XYLT1: variants seen among roughly 807,000 people sequenced by gnomAD.
XYLT1 encodes xylosyltransferase 1.
XYLT1 carries 36 observed loss-of-function variants against 91.3 expected under a neutral mutation model. That is an observed-to-expected ratio of 0.39 (90% CI 0.30 to 0.52). XYLT1 has a LOEUF of 0.52. Among genes scored for constraint, XYLT1 ranks in the 20% least tolerant of loss-of-function variants. XYLT1 has a pLI of 0.68. For synonymous variants in XYLT1, 588 were observed against 532.0 expected, an observed-to-expected ratio of 1.11 and a Z score of -1.45; for missense variants, 1,242 against 1,284.5, an observed-to-expected ratio of 0.97 and a Z score of 0.51.
At chr16:17,389,248 A>G (rs917582172) in intron 1 of XYLT1, among the ~76,000 whole-genome samples, 1 of 152,036 alleles carries the variant, frequency 6.6e-6, no homozygotes, top group African/African-American at 2.4e-5. Context: ...AGTTTTTATC[A>G]TTTTTATTTT....
At chr16:17,223,093 G>A (rs560606882) in intron 3 of XYLT1, among the ~76,000 whole-genome samples, 11 of 151,390 alleles carry the variant, frequency 7.3e-5, no homozygotes, top group Admixed American at 2.6e-4. Context: ...TGTCTCTTTC[G>A]TGCAAGCCTT....
At chr16:17,306,761 C>T (rs185535550) in intron 2 of XYLT1, among the ~76,000 whole-genome samples, 1 of 152,082 alleles carries the variant, frequency 6.6e-6, no homozygotes, top group Non-Finnish European at 1.5e-5. Context: ...ATTAAACATC[C>T]AAATTCCTAG....
chr16:17,252,165 C>G (rs945215353), intron 3 of XYLT1, among the ~76,000 whole-genome samples: 1 of 152,160 alleles, frequency 6.6e-6, no homozygotes, highest in Non-Finnish European at 1.5e-5. Flanking sequence ...ACAAGCCAAG[C>G]ACATCCACTT....
chr16:17,160,462 C>T (rs758257918), intron 5 of XYLT1, among the ~76,000 whole-genome samples: 1 of 152,178 alleles, frequency 6.6e-6, no homozygotes, highest in Non-Finnish European at 1.5e-5. Flanking sequence ...ATAATTCCAG[C>T]GGAGGGGGCA....
At position 17,304,695 on chromosome 16, in the gene XYLT1, T is replaced by C. The variant is rs541495503; in HGVS notation, c.403-45197A>G. ...AAAAAGTCATGGGAACCAAACAGGC[T>C]CTGACCAAAGTTGCTGGACCAGTTA... On this transcript the variant is annotated intron_variant, in intron 2 of 11. Transcript: ENST00000261381. Among the ~76,000 whole-genome samples, 9 of 152,210 alleles carry C rather than the reference T, an allele frequency of 5.9e-5. No individual in the cohort carries two copies. The East Asian group carries it at 1.7e-3, about 29-fold the overall frequency.
intron 2 of XYLT1, among the ~76,000 whole-genome samples, chr16:17,280,101 A>G (rs1436383844): frequency 6.6e-6 from 1 of 152,200 alleles, no homozygotes; most frequent in Non-Finnish European, 1.5e-5. Context: ...CTATAATCCC[A>G]GCATTTTGGG....
At chr16:17,419,639 T>C (rs2036225341) in intron 1 of XYLT1, among the ~76,000 whole-genome samples, 2 of 152,222 alleles carry the variant, frequency 1.3e-5, no homozygotes, top group African/African-American at 2.4e-5. Flanking sequence ...TACTTTAATT[T>C]TGCATTTTAG....
intron 6 of XYLT1, among the ~76,000 whole-genome samples, chr16:17,155,696 G>A (rs546491165): frequency 1.6e-4 from 24 of 152,248 alleles, no homozygotes; most frequent in African/African-American, 3.9e-4. Flanking sequence ...CCTAACTTCC[G>A]GTAAATGAGA....
intron 1 of XYLT1, among the ~76,000 whole-genome samples, chr16:17,411,258 A>C (rs2036103540): frequency 6.6e-6 from 1 of 152,198 alleles, no homozygotes; most frequent in Non-Finnish European, 1.5e-5. Flanking sequence ...ATCAGTTGCT[A>C]TTGTTGATGT....
intron 1 of XYLT1, chr16:17,445,916 G>C (rs2036585471): frequency 6.6e-6 from 1 of 152,206 alleles, no homozygotes; most frequent in African/African-American, 2.4e-5. Flanking sequence ...CTCTTCAGGA[G>C]GCACCAGGCC....
intron 1 of XYLT1, among the ~76,000 whole-genome samples, chr16:17,365,930 G>A (rs558196789): frequency 2.0e-4 from 30 of 152,106 alleles, no homozygotes; most frequent in Non-Finnish European, 3.5e-4. Flanking sequence ...TCTTTAAAAA[G>A]TACACAGAAT....
chr16:17,205,410 G>C (rs1251062336), intron 3 of XYLT1, among the ~76,000 whole-genome samples: 1 of 152,238 alleles, frequency 6.6e-6, no homozygotes, highest in African/African-American at 2.4e-5. Context: ...AGGTGCAGGG[G>C]TTTAGAACAT....
intron 11 of XYLT1, among the ~76,000 whole-genome samples, 200 bp downstream of exon 11, chr16:17,117,446 A>T (rs1356961268): frequency 6.6e-6 from 1 of 152,214 alleles, no homozygotes; most frequent in Non-Finnish European, 1.5e-5. Flanking sequence ...ACCTAGACAG[A>T]TGACATCATC....
At chr16:17,128,988 T>G (rs952658804) in intron 9 of XYLT1, among the ~76,000 whole-genome samples, 4 of 145,732 alleles carry the variant, frequency 2.7e-5, no homozygotes, top group African/African-American at 1.0e-4. Context: ...TGTCCAATTA[T>G]AACAGTTAGG....
chr16:17,228,578 C>CGAGGCTTGTGAATGGAA (rs2033107607), intron 3 of XYLT1, among the ~76,000 whole-genome samples: 1 of 152,004 alleles, frequency 6.6e-6, no homozygotes, highest in African/African-American at 2.4e-5. Flanking sequence ...TCCTCATCAG[C>CGAGGCTTGTGAATGGAA]GAGGCTTGTG....
At chr16:17,414,539 G>A (rs939020910) in intron 1 of XYLT1, among the ~76,000 whole-genome samples, 1 of 152,106 alleles carries the variant, frequency 6.6e-6, no homozygotes, top group Non-Finnish European at 1.5e-5. Flanking sequence ...AAAACGAGAC[G>A]GACCCGTGGA....
intron 2 of XYLT1, among the ~76,000 whole-genome samples, chr16:17,353,720 CGTCT>C (rs912656936): frequency 7.3e-4 from 81 of 110,452 alleles, no homozygotes; most frequent in Middle Eastern, 5.4e-3. Context: ...TCTATCTGTC[CGTCT>C]GTCTATCTAT....
At chr16:17,423,245 C>T (rs532822227) in intron 1 of XYLT1, among the ~76,000 whole-genome samples, 24 of 152,276 alleles carry the variant, frequency 1.6e-4, no homozygotes, top group African/African-American at 5.8e-4. Context: ...CCGCCCTTCT[C>T]GGCAGGCCTC....
intron 9 of XYLT1, among the ~76,000 whole-genome samples, chr16:17,128,071 A>C (rs544285588): frequency 8.5e-5 from 13 of 152,182 alleles, no homozygotes; most frequent in Non-Finnish European, 1.8e-4. Flanking sequence ...TGACTGTAGG[A>C]AAGTACAACA....
Sources: gnomAD v4.1 joint callset for allele counts (sites outside exome capture counted in the v4.1 genomes callset) on GRCh38, gnomAD v4.1.1 for gene constraint, MANE v1.5 for transcripts, NCBI Gene and HGNC (gene_info 2026-07-23, HGNC 2026-07-21) for gene names.